The following ROBO1 variants were observed in gnomAD, a reference collection of about 807,000 sequenced individuals.
The protein encoded by ROBO1 is roundabout guidance receptor 1.
Under a neutral mutation model 195.9 loss-of-function variants are expected in ROBO1, and 149 were observed. The observed-to-expected ratio is 0.76, with a 90% CI of 0.67 to 0.87. The LOEUF (loss-of-function observed/expected upper bound fraction) is 0.87. Ranked by LOEUF, ROBO1 falls within the 40% of genes least tolerant of loss-of-function variation. The pLI is 0.00. For synonymous variants in ROBO1, 816 were observed against 733.2 expected, an observed-to-expected ratio of 1.11 and a Z score of -1.82; for missense variants, 1,933 against 2,068.3, an observed-to-expected ratio of 0.93 and a Z score of 1.27.
chr3:79,160,151 A>T (rs1008299391), intron 2 of ROBO1, among the ~76,000 whole-genome samples: 5 of 151,892 alleles, frequency 3.3e-5, no homozygotes, highest in African/African-American at 1.2e-4. Context: ...AGGTTATTTA[A>T]CGCTATTGTA....
rs926325659 is a variant in ROBO1 at position 79,539,372 on chromosome 3, C to G, written c.88+50452G>C. ...CACAAATGCAACATGGAAGCACACA[C>G]GTAAGTTGTTTTACAAAAGAAATGT... On this transcript the variant is annotated intron_variant, in intron 2 of 30. Transcript: ENST00000464233. Among the ~76,000 whole-genome samples the G allele has an allele frequency of 2.0e-5, 3 of 152,010 alleles. No individual in the cohort carries two copies. The East Asian group carries it at 5.8e-4, about 29-fold the overall frequency.
rs2084341049 is a variant in ROBO1, at chr3:78,800,681, C to A, written c.500-53781G>T. 2.0e-5 allele frequency among the ~76,000 whole-genome samples: 3 copies of A among 152,054 alleles called. No homozygotes were observed. The South Asian group carries it at 6.2e-4, about 32-fold the overall frequency. On this transcript the variant is annotated intron_variant, in intron 4 of 30. Coordinates refer to ENST00000464233, the MANE Select transcript of ROBO1 (RefSeq NM_002941.4). ...AAGCGATTCTCCTGCCTCAGCCTCC[C>A]AAGTAGCTGGGACTACAGGCGCCCA...
At chr3:79,381,092 C>T (rs1005794160) in intron 2 of ROBO1, among the ~76,000 whole-genome samples, 1 of 152,134 alleles carries the variant, frequency 6.6e-6, no homozygotes, top group African/African-American at 2.4e-5. Context: ...GGCGCGGTGG[C>T]TCACGCCCGT....
intron 2 of ROBO1, among the ~76,000 whole-genome samples, chr3:79,503,988 C>T (rs1371086550): frequency 6.6e-6 from 1 of 152,104 alleles, no homozygotes; most frequent in Non-Finnish European, 1.5e-5. Flanking sequence ...ACAGAACTCC[C>T]AAGGTCTGGA....
chr3:79,743,885 G>A (rs916807708), intron 1 of ROBO1, among the ~76,000 whole-genome samples: 4 of 152,118 alleles, frequency 2.6e-5, no homozygotes, highest in Non-Finnish European at 5.9e-5. Flanking sequence ...ACACGGAGCC[G>A]TCGTCTCTAC....
chr3:78,972,043 G>A (rs1237557762), intron 3 of ROBO1, among the ~76,000 whole-genome samples: 1 of 152,214 alleles, frequency 6.6e-6, no homozygotes, highest in African/African-American at 2.4e-5. Context: ...TGGGATTACA[G>A]GCGTGAGCCG....
At chr3:78,675,615 AG>A (rs1383326028) in intron 10 of ROBO1, among the ~76,000 whole-genome samples, 2 of 151,944 alleles carry the variant, frequency 1.3e-5, no homozygotes, top group Non-Finnish European at 2.9e-5. Context: ...AGGCTGGGGG[AG>A]GGGGGCCTGC....
At chr3:79,269,619 A>T (rs533063147) in intron 2 of ROBO1, among the ~76,000 whole-genome samples, 1 of 151,894 alleles carries the variant, frequency 6.6e-6, no homozygotes, top group African/African-American at 2.4e-5. Flanking sequence ...CAGTTTACTT[A>T]AAGTGAGCTT....
chr3:78,957,506 G>C (rs527283987), intron 3 of ROBO1, among the ~76,000 whole-genome samples: 1 of 152,274 alleles, frequency 6.6e-6, no homozygotes, highest in Admixed American at 6.5e-5. Context: ...AAGCAAATCT[G>C]CAAGTTGTGT....
At chr3:79,657,198 C>T (rs1182123273) in intron 1 of ROBO1, among the ~76,000 whole-genome samples, 5 of 152,034 alleles carry the variant, frequency 3.3e-5, no homozygotes, top group Non-Finnish European at 7.4e-5. Context: ...GCAATAGGGG[C>T]ACTTCCCACA....
chr3:79,724,749 G>A (rs1702845598), intron 1 of ROBO1, among the ~76,000 whole-genome samples: 2 of 152,194 alleles, frequency 1.3e-5, no homozygotes, highest in South Asian at 4.1e-4. Context: ...AATCATGCCT[G>A]AATTCCTGAC....
intron 2 of ROBO1, among the ~76,000 whole-genome samples, chr3:79,488,820 C>T (rs1430216549): frequency 6.6e-6 from 1 of 152,034 alleles, no homozygotes; most frequent in East Asian, 1.9e-4. Flanking sequence ...TTAGTGTGGA[C>T]CAATGTCTAC....
At chr3:79,473,441 G>T in intron 2 of ROBO1, among the ~76,000 whole-genome samples, 1 of 152,004 alleles carries the variant, frequency 6.6e-6, no homozygotes, top group East Asian at 1.9e-4. Context: ...AATCATATTT[G>T]TTTTTTTGTT....
chr3:79,144,170 GT>G (rs764109867), intron 2 of ROBO1, among the ~76,000 whole-genome samples: 4 of 152,042 alleles, frequency 2.6e-5, no homozygotes, highest in African/African-American at 4.8e-5. Context: ...AATATGTACA[GT>G]TTTAGTATTA....
chr3:78,714,832 C>A (rs2081860185), intron 7 of ROBO1: 1 of 230,458 alleles, frequency 4.3e-6, no homozygotes, highest in Non-Finnish European at 8.3e-6. Context: ...TAAATTCTTA[C>A]CATTTGCCAG....
intron 4 of ROBO1, among the ~76,000 whole-genome samples, chr3:78,817,800 T>C (rs767045642): frequency 2.0e-4 from 30 of 152,182 alleles, no homozygotes; most frequent in Non-Finnish European, 1.5e-4. Context: ...AGAGTTTCAA[T>C]GGTCATAGTT....
intron 1 of ROBO1, among the ~76,000 whole-genome samples, chr3:79,629,630 A>G (rs1285411442): frequency 6.6e-6 from 1 of 152,070 alleles, no homozygotes; most frequent in Non-Finnish European, 1.5e-5. Context: ...GAAGAAAAAA[A>G]GTAACAAAGA....
At chr3:79,646,321 C>A (rs749733682) in intron 1 of ROBO1, among the ~76,000 whole-genome samples, 42 of 152,186 alleles carry the variant, frequency 2.8e-4, no homozygotes, top group Non-Finnish European at 4.7e-4. Context: ...CTTAAAATAA[C>A]TAAACGTCAG....
intron 4 of ROBO1, among the ~76,000 whole-genome samples, chr3:78,818,099 G>T: frequency 6.6e-6 from 1 of 152,210 alleles, no homozygotes; most frequent in East Asian, 1.9e-4. Flanking sequence ...AACTGCATCA[G>T]TTGCAGTACT....
Sources: gnomAD v4.1 joint callset for allele counts (sites outside exome capture counted in the v4.1 genomes callset) on GRCh38, gnomAD v4.1.1 for gene constraint, MANE v1.5 for transcripts, NCBI Gene and HGNC (gene_info 2026-07-23, HGNC 2026-07-21) for gene names.